SLC33A1: variants seen among roughly 807,000 people sequenced by gnomAD.
SLC33A1 encodes acetyl-coenzyme A transporter 1.
SLC33A1 carries 20 observed loss-of-function variants against 50.0 expected under a neutral mutation model. That is an observed-to-expected ratio of 0.40 (90% confidence interval 0.28 to 0.58). The LOEUF (loss-of-function observed/expected upper bound fraction) is 0.58, where lower values mean the gene tolerates loss of function less well. SLC33A1 is among the 20% of genes least tolerant of loss of function. SLC33A1 has a pLI of 0.44. For synonymous variants in SLC33A1, 265 were observed against 251.8 expected (o/e 1.05, Z -0.50); for missense variants, 476 against 657.0 (o/e 0.72, Z 3.01).
At chr3:155,834,099 A>C in intron 2 of SLC33A1, 58 bp from the exon 3 acceptor site, 2 of 1,406,726 alleles carry the variant, frequency 1.4e-6, no homozygotes, top group Non-Finnish European at 2.0e-6. Flanking sequence ...ATTTTCCTCC[A>C]TGCATATGTA....
intron 2 of SLC33A1, among the ~76,000 whole-genome samples, chr3:155,835,461 T>G (rs1397480041): frequency 6.6e-6 from 1 of 152,126 alleles, no homozygotes; most frequent in East Asian, 1.9e-4. Flanking sequence ...CCTGAAAAAC[T>G]TGAGTTGCAA....
chr3:155,832,332 C>G (rs776811796), intron 4 of SLC33A1, among the ~76,000 whole-genome samples: 9 of 151,422 alleles, frequency 5.9e-5, no homozygotes, highest in Non-Finnish European at 1.3e-4. Flanking sequence ...GACCTGAGAT[C>G]GTGCCATTGC....
rs2270754 is a variant in SLC33A1, at chr3:155,834,100, T to C, written c.964-59A>G. ...GTGACTTATGAAATATTTTCCTCCA[T>C]GCATATGTAAGTTCTTCAAGAACCT... is the stretch of plus-strand genomic sequence containing the variant. On this transcript the variant is annotated intron_variant, in intron 2 of 5. Transcript: ENST00000643144. 0.011 allele frequency: 15,962 copies of C among 1,414,180 alleles called. 1,435 individuals are homozygous for C. The Admixed American group carries it at 0.19, about 16-fold the overall frequency. The allele number at this position is 1,414,180 out of a possible 1,614,324, so 87.6% of individuals were successfully genotyped here.
At chr3:155,832,318 C>A (rs995754048) in intron 4 of SLC33A1, among the ~76,000 whole-genome samples, 1 of 151,548 alleles carries the variant, frequency 6.6e-6, no homozygotes. Context: ...GCGGAGGTTG[C>A]GGTGACCTGA....
At chr3:155,845,866 A>G (rs1753152428) in intron 1 of SLC33A1, among the ~76,000 whole-genome samples, 1 of 152,186 alleles carries the variant, frequency 6.6e-6, no homozygotes, top group Non-Finnish European at 1.5e-5. Flanking sequence ...TATCATTATT[A>G]CCAAAAATAT....
intron 1 of SLC33A1, among the ~76,000 whole-genome samples, chr3:155,849,944 AT>A (rs1484351641): frequency 4.1e-5 from 6 of 148,062 alleles, no homozygotes; most frequent in Non-Finnish European, 7.4e-5. Flanking sequence ...AATAATAATA[AT>A]AATAATAATA....
chr3:155,831,835 G>A (rs1198744516), intron 4 of SLC33A1, among the ~76,000 whole-genome samples: 1 of 152,138 alleles, frequency 6.6e-6, no homozygotes, highest in Non-Finnish European at 1.5e-5. Flanking sequence ...TAGTCTGACA[G>A]GATCCACTAC....
At chr3:155,842,121 A>C (rs1752960494) in intron 2 of SLC33A1, among the ~76,000 whole-genome samples, 1 of 152,216 alleles carries the variant, frequency 6.6e-6, no homozygotes, top group South Asian at 2.1e-4. Flanking sequence ...CATTATAAGA[A>C]GACAGAGCTA....
chr3:155,851,560 TTTTTATTTTA>T (rs1213475888), intron 1 of SLC33A1, among the ~76,000 whole-genome samples: 2 of 151,814 alleles, frequency 1.3e-5, no homozygotes, highest in Non-Finnish European at 2.9e-5. Context: ...CGTGACTTAT[TTTTTATTTTA>T]TTTATTTATT....
chr3:155,837,410 C>G lies in SLC33A1; in HGVS notation c.964-3369G>C, dbSNP rs1252446026. Among the ~76,000 whole-genome samples, 6 of 151,612 alleles carry G rather than the reference C, an allele frequency of 4.0e-5. No individual in the cohort carries two copies. The East Asian group carries it at 1.2e-3, about 29-fold the overall frequency. On this transcript the variant is annotated intron_variant, in intron 2 of 5. Coordinates refer to ENST00000643144, the MANE Select transcript of SLC33A1 (RefSeq NM_004733.4). The stretch of plus-strand genomic sequence containing the variant: ...ATGTGTTTTCAAGGATGTGAAACTC[C>G]TTAAAATCAGAACTCTCTTACACTG...
chr3:155,830,300 G>A (rs1752372750), intron 4 of SLC33A1, among the ~76,000 whole-genome samples: 1 of 152,078 alleles, frequency 6.6e-6, no homozygotes, highest in African/African-American at 2.4e-5. Flanking sequence ...GTGAACCCGG[G>A]AGGCGGAGCT....
At position 155,854,360 on chromosome 3, in the gene SLC33A1, C is replaced by T; in HGVS notation, c.-363G>A. ...TCGAACGGCTGGTCTCCCGACCCAACACCTCCAGCTCTCGCTGCTATCAAT... is the reference window on the plus strand; with the variant it reads ...TCGAACGGCTGGTCTCCCGACCCAATACCTCCAGCTCTCGCTGCTATCAAT... On this transcript the variant is annotated 5_prime_UTR_variant, in exon 1 of 6. Transcript: ENST00000643144. 1 of 213,492 alleles carries T rather than the reference C, an allele frequency of 4.7e-6. No homozygotes were observed. The highest frequency in any genetic ancestry group is 9.9e-5 in the East Asian group (1 of 10,078). 13.2% of individuals were successfully genotyped at this position (213,492 alleles called of 1,614,324 possible).
intron 1 of SLC33A1, among the ~76,000 whole-genome samples, chr3:155,852,352 T>C (rs1398481339): frequency 3.3e-5 from 5 of 152,124 alleles, no homozygotes; most frequent in Admixed American, 6.5e-5. Context: ...AAAACTTACA[T>C]GTGTTTTACT....
At chr3:155,830,096 G>A (rs185831327) in intron 4 of SLC33A1, among the ~76,000 whole-genome samples, 193 bp from the exon 5 acceptor site, 328 of 152,144 alleles carry the variant, frequency 2.2e-3, no homozygotes, top group African/African-American at 6.9e-3. Flanking sequence ...GGGCGCGGTG[G>A]CTCATGCCTG....
intron 2 of SLC33A1, among the ~76,000 whole-genome samples, chr3:155,842,040 ACCTGGC>A (rs1431223209): frequency 6.6e-6 from 1 of 152,058 alleles, no homozygotes; most frequent in Non-Finnish European, 1.5e-5. Context: ...GAGCCACCAC[ACCTGGC>A]CCTATATCTT....
intron 2 of SLC33A1, among the ~76,000 whole-genome samples, chr3:155,839,706 C>T (rs570701073): frequency 6.6e-6 from 1 of 152,118 alleles, no homozygotes; most frequent in Non-Finnish European, 1.5e-5. Context: ...CCCAGGACTT[C>T]GGGAGTCTAG....
intron 4 of SLC33A1, among the ~76,000 whole-genome samples, chr3:155,830,583 A>G (rs1253565238): frequency 6.6e-6 from 1 of 152,078 alleles, no homozygotes; most frequent in Admixed American, 6.6e-5. Flanking sequence ...TTCTACCACA[A>G]GTAGTCAAGA....
chr3:155,834,014 T>C lies in SLC33A1; in HGVS notation c.991A>G (p.Thr331Ala). 6.2e-7 allele frequency: 1 copy of C among 1,613,862 alleles called. No homozygotes were observed. The highest frequency in any genetic ancestry group is 8.5e-7 in the Non-Finnish European group (1 of 1,179,842). ...KIGFSAADAV[T>A]GLKLVEEGVP... ...CCCTCTTCTACCAATTTCAGTCCTG[T>C]TACAGCATCTGCTGCTGAAAAACCA... Residue 331 changes from threonine to alanine, a missense_variant, in exon 3 of 6, where the codon ACA becomes GCA. By Grantham distance (58) the Thr-to-Ala change is moderately conservative (BLOSUM62 0). Transcript: ENST00000643144.
rs1346201544 is a variant in SLC33A1 at position 155,822,609 on chromosome 3, C to T, written c.*5601G>A. 6.7e-6 allele frequency: 1 copy of T among 148,544 alleles called. No homozygotes were observed. The highest frequency in any genetic ancestry group is 2.5e-5 in the African/African-American group (1 of 40,472). 9.2% of individuals were successfully genotyped at this position (148,544 alleles called of 1,614,324 possible). A position where few individuals can be genotyped will look rare whatever the true frequency, so the allele number is the denominator to read the frequency against. On this transcript the variant is annotated 3_prime_UTR_variant, in exon 6 of 6. Transcript: ENST00000643144. ...AAAAAAAAAAAGAAATTTAAGATAA[C>T]TCCCTAAGGATTGTACCTGTACCTT... is the stretch of plus-strand genomic sequence containing the variant.
Sources: gnomAD v4.1 joint callset for allele counts (sites outside exome capture counted in the v4.1 genomes callset) on GRCh38, gnomAD v4.1.1 for gene constraint, MANE v1.5 for transcripts, NCBI Gene and HGNC (gene_info 2026-07-23, HGNC 2026-07-21) for gene names.